Variants in ADARB2 observed in about 807,000 individuals in gnomAD.
ADARB2 encodes adenosine deaminase RNA specific B2 (inactive), also known as inactive double-stranded RNA-specific editase B2.
ADARB2 carries 25 observed loss-of-function variants against 62.2 expected under a neutral mutation model. The ratio of observed to expected loss-of-function variants is 0.40; its 90% CI spans 0.29 to 0.56. The LOEUF (loss-of-function observed/expected upper bound fraction) is 0.56, where lower values mean the gene tolerates loss of function less well. Among genes scored for constraint, ADARB2 ranks in the 20% least tolerant of loss-of-function variants. ADARB2 has a pLI of 0.43. For synonymous variants in ADARB2, 572 were observed against 500.8 expected (o/e 1.14, Z -1.90); for missense variants, 1,071 against 1,077.4 (o/e 0.99, Z 0.08).
intron 1 of ADARB2, among the ~76,000 whole-genome samples, chr10:1,624,133 C>G (rs934521712): frequency 1.3e-5 from 2 of 152,092 alleles, no homozygotes; most frequent in Non-Finnish European, 2.9e-5. Context: ...ATTTGGGAGG[C>G]TGAGGTGGGG....
intron 1 of ADARB2, among the ~76,000 whole-genome samples, chr10:1,698,441 C>A (rs987668956): frequency 3.3e-5 from 5 of 152,214 alleles, no homozygotes; most frequent in African/African-American, 1.2e-4. Context: ...GAGACATACG[C>A]TTCCTCTTCC....
intron 3 of ADARB2, among the ~76,000 whole-genome samples, chr10:1,315,356 A>T (rs926033796): frequency 6.6e-6 from 1 of 152,168 alleles, no homozygotes; most frequent in African/African-American, 2.4e-5. Flanking sequence ...CTGCTGGGGC[A>T]CCCAGCACGG....
At chr10:1,712,166 G>A (rs371293721) in intron 1 of ADARB2, among the ~76,000 whole-genome samples, 1 of 152,290 alleles carries the variant, frequency 6.6e-6, no homozygotes, top group Non-Finnish European at 1.5e-5. Flanking sequence ...AATTCGTGCA[G>A]GAAACTTCCT....
At chr10:1,266,953 G>A (rs948829646) in intron 4 of ADARB2, among the ~76,000 whole-genome samples, 1 of 152,078 alleles carries the variant, frequency 6.6e-6, no homozygotes, top group Admixed American at 6.5e-5. Context: ...AAAACATCGA[G>A]TAAAAGAATG....
intron 1 of ADARB2, among the ~76,000 whole-genome samples, chr10:1,385,284 A>G (rs1226665180): frequency 1.3e-5 from 2 of 152,202 alleles, no homozygotes; most frequent in Non-Finnish European, 2.9e-5. Flanking sequence ...GGAGAATATG[A>G]CCAATCATCA....
intron 1 of ADARB2, among the ~76,000 whole-genome samples, chr10:1,441,649 T>A (rs907377135): frequency 3.4e-4 from 52 of 152,228 alleles, no homozygotes; most frequent in Non-Finnish European, 3.2e-4. Flanking sequence ...CATGACATAT[T>A]TGTCTTTTTT....
At chr10:1,667,355 A>G (rs997647119) in intron 1 of ADARB2, among the ~76,000 whole-genome samples, 13 of 152,232 alleles carry the variant, frequency 8.5e-5, no homozygotes, top group Admixed American at 7.9e-4. Flanking sequence ...AGGACTGTAG[A>G]GACACTCAAA....
intron 1 of ADARB2, among the ~76,000 whole-genome samples, chr10:1,668,171 G>A (rs1834337102): frequency 6.6e-6 from 1 of 152,178 alleles, no homozygotes; most frequent in South Asian, 2.1e-4. Context: ...ATCCCCACTG[G>A]CCGCTGGTGC....
At chr10:1,234,737 C>CTTTTTTTTTTTTTTTTTTTTTTTT (rs71376899) in intron 5 of ADARB2, among the ~76,000 whole-genome samples, 1 of 53,606 alleles carries the variant, frequency 1.9e-5, no homozygotes, top group Non-Finnish European at 3.3e-5. Flanking sequence ...CGACCATGAT[C>CTTTTTTTTTTTTTTTTTTTTTTTT]TTTTTTTTTT....
intron 3 of ADARB2, among the ~76,000 whole-genome samples, chr10:1,324,909 T>C (rs111766285): frequency 6.6e-6 from 1 of 152,192 alleles, no homozygotes; most frequent in African/African-American, 2.4e-5. Context: ...GGATTGTCAA[T>C]GCCTGTCTGT....
chr10:1,531,451 T>G (rs1402221192), intron 1 of ADARB2, among the ~76,000 whole-genome samples: 1 of 152,190 alleles, frequency 6.6e-6, no homozygotes, highest in African/African-American at 2.4e-5. Context: ...TGGATACCAA[T>G]CTACAATATT....
At chr10:1,599,749 T>C (rs977372045) in intron 1 of ADARB2, among the ~76,000 whole-genome samples, 2 of 152,142 alleles carry the variant, frequency 1.3e-5, no homozygotes, top group Admixed American at 6.5e-5. Context: ...TTTGTTTTTT[T>C]TCTCTTTTTG....
At chr10:1,377,217 C>A (rs146502445) in intron 2 of ADARB2, among the ~76,000 whole-genome samples, 1 of 105,584 alleles carries the variant, frequency 9.5e-6, no homozygotes, top group Non-Finnish European at 1.9e-5. Flanking sequence ...CGTTTGTGTG[C>A]GCCCCTGGGG....
rs1465068133 is a variant in ADARB2, at chr10:1,183,170, T to A, written c.*23A>T. 6.2e-7 allele frequency: 1 copy of A among 1,608,772 alleles called. No individual in the cohort carries two copies. The highest frequency in any genetic ancestry group is 1.3e-5 in the African/African-American group (1 of 74,768). On this transcript the variant is annotated 3_prime_UTR_variant, in exon 10 of 10. Transcript: ENST00000381312. The stretch of plus-strand genomic sequence containing the variant: ...CCATCCCTCCAGCGTCCCGCTCAGC[T>A]CCAGCAGCCAGGAGCCCGCAGCCTA...
At chr10:1,222,922 C>G (rs1830707819) in intron 6 of ADARB2, among the ~76,000 whole-genome samples, 1 of 151,854 alleles carries the variant, frequency 6.6e-6, no homozygotes, top group South Asian at 2.1e-4. Context: ...TCCATATGAA[C>G]TTTAAAGTAG....
intron 1 of ADARB2, among the ~76,000 whole-genome samples, chr10:1,695,776 G>A (rs1834733405): frequency 1.3e-5 from 2 of 152,318 alleles, no homozygotes; most frequent in South Asian, 4.1e-4. Context: ...AGGTGTGTCT[G>A]TGCATACACA....
At chr10:1,533,194 C>T (rs894648011) in intron 1 of ADARB2, among the ~76,000 whole-genome samples, 2 of 151,848 alleles carry the variant, frequency 1.3e-5, no homozygotes, top group African/African-American at 4.8e-5. Flanking sequence ...TCTCGGCTCA[C>T]TGCAACCTCT....
At chr10:1,454,096 C>A (rs1184671836) in intron 1 of ADARB2, among the ~76,000 whole-genome samples, 1 of 152,178 alleles carries the variant, frequency 6.6e-6, no homozygotes, top group Non-Finnish European at 1.5e-5. Context: ...GCCTCACAGT[C>A]ATGGCAGAAG....
At chr10:1,588,458 T>C (rs1833208310) in intron 1 of ADARB2, among the ~76,000 whole-genome samples, 1 of 152,200 alleles carries the variant, frequency 6.6e-6, no homozygotes, top group African/African-American at 2.4e-5. Context: ...CAGATTGTCT[T>C]AAACAGATTC....
Sources: allele counts gnomAD v4.1 joint callset (sites outside exome capture counted in the v4.1 genomes callset), GRCh38; gene constraint gnomAD v4.1.1; transcripts MANE v1.5; gene names NCBI Gene and HGNC (gene_info 2026-07-23, HGNC 2026-07-21).